Variants in SH3GL1 observed in about 807,000 individuals in gnomAD.
SH3GL1 encodes the protein SH3 domain containing GRB2 like 1, endophilin A2, also known as endophilin-A2.
In SH3GL1, 21 loss-of-function variants were observed where a neutral mutation model predicts 48.8. That is an observed-to-expected ratio of 0.43 (90% confidence interval 0.30 to 0.62). The LOEUF (loss-of-function observed/expected upper bound fraction) is 0.62, where lower values mean the gene tolerates loss of function less well. Ranked by LOEUF, SH3GL1 falls within the 20% of genes least tolerant of loss-of-function variation. SH3GL1 has a pLI of 0.11. For missense variants in SH3GL1, 454 were observed against 503.0 expected (o/e 0.90, Z 0.93); for synonymous variants, 282 against 217.5 (o/e 1.30, Z -2.61).
chr19:4,380,218 C>G (rs1240527057), intron 1 of SH3GL1: 1 of 152,474 alleles, frequency 6.6e-6, no homozygotes, highest in Non-Finnish European at 1.5e-5. Context: ...GCCCATTCTT[C>G]AAAGCCACGG....
chr19:4,385,158 T>C (rs1340965310), intron 1 of SH3GL1, among the ~76,000 whole-genome samples: 1 of 151,268 alleles, frequency 6.6e-6, no homozygotes, highest in African/African-American at 2.4e-5. Flanking sequence ...CGTGATCCTG[T>C]TGACAGGCAG....
At chr19:4,370,685 C>A (rs1972881321) in intron 1 of SH3GL1, among the ~76,000 whole-genome samples, 1 of 152,246 alleles carries the variant, frequency 6.6e-6, no homozygotes, top group Non-Finnish European at 1.5e-5. Context: ...GGAACAGTCT[C>A]CAAGACTCTG....
At chr19:4,377,050 A>G (rs1358542110) in intron 1 of SH3GL1, among the ~76,000 whole-genome samples, 2 of 152,170 alleles carry the variant, frequency 1.3e-5, no homozygotes, top group African/African-American at 4.8e-5. Flanking sequence ...CTGGGCTGAC[A>G]CTGATGGAGG....
chr19:4,373,129 A>AG (rs10713587), intron 1 of SH3GL1, among the ~76,000 whole-genome samples: 56 of 151,754 alleles, frequency 3.7e-4, no homozygotes, highest in Admixed American at 2.0e-4. Context: ...GAGCAGTGGG[A>AG]GGGGGGGCCA....
In SH3GL1 at chr19:4,367,423, T is replaced by TAA. The variant is rs746066845; in HGVS notation, c.46-431_46-430dup. Among the ~76,000 whole-genome samples the TAA allele has an allele frequency of 1.4e-5, 2 of 147,766 alleles. No homozygotes were observed. The highest frequency in any genetic ancestry group is 2.0e-4 in the East Asian group (1 of 5,096). On this transcript the variant is annotated intron_variant, in intron 1 of 9. Transcript: ENST00000269886. This position sits in a 1 kb window ranked among gnomAD's most constrained non-coding sequence, Gnocchi z 4.2. The stretch of plus-strand genomic sequence containing the variant: ...CATCCTTGAGTATGTGGGGTCTACT[T>TAA]AAAAAAAAAAATCCTGCCAGCTTGG...
Position 4,365,561 on chromosome 19 carries a change from G to A in SH3GL1, c.252C>T (p.Pro84=), listed in dbSNP as rs774913209. The A allele has an allele frequency of 1.3e-5, 21 of 1,613,974 alleles. No individual in the cohort carries two copies. Among genetic ancestry groups the A allele is most frequent in the East Asian group, 6.7e-5 (3 of 44,890 alleles). ...VSKIRGQVKN[P]GYPQSEGLLG... ...GAAGCCCCTCCGACTGCGGGTAGCC[G>A]GGGTTCTTCACCTGGCCCCGGATCT... Residue 84 remains proline, a synonymous_variant, in exon 4 of 10, where the codon CCC becomes CCT. Coordinates refer to ENST00000269886, the MANE Select transcript of SH3GL1 (RefSeq NM_003025.4).
intron 4 of SH3GL1, among the ~76,000 whole-genome samples, chr19:4,365,004 C>T (rs1182269545): frequency 6.6e-6 from 1 of 151,328 alleles, no homozygotes; most frequent in Non-Finnish European, 1.5e-5. Context: ...ATCCACCTGC[C>T]TTGGCCTCCC....
chr19:4,362,874 C>A, intron 7 of SH3GL1, 138 bp from the exon 8 acceptor site: 1 of 1,372,314 alleles, frequency 7.3e-7, no homozygotes, highest in East Asian at 2.4e-5. Context: ...CACATGGACC[C>A]TGGGACACAG....
At chr19:4,379,977 T>C (rs1489938032) in intron 1 of SH3GL1, among the ~76,000 whole-genome samples, 2 of 152,148 alleles carry the variant, frequency 1.3e-5, no homozygotes, top group Admixed American at 1.3e-4. Flanking sequence ...CATGGTCTGG[T>C]AGCCAGGCTC....
intron 4 of SH3GL1, among the ~76,000 whole-genome samples, chr19:4,364,884 G>A (rs140639485): frequency 8.0e-5 from 7 of 87,212 alleles, no homozygotes; most frequent in African/African-American, 3.2e-4. Context: ...GTGTGTGTGT[G>A]TGTGTGTGTG....
intron 1 of SH3GL1, among the ~76,000 whole-genome samples, chr19:4,368,632 G>A (rs1972832951): frequency 6.6e-6 from 1 of 152,200 alleles, no homozygotes; most frequent in African/African-American, 2.4e-5. Context: ...CACGCATCGG[G>A]ACCCTTTCTG....
intron 1 of SH3GL1, among the ~76,000 whole-genome samples, chr19:4,372,249 C>T (rs912377576): frequency 6.6e-6 from 1 of 152,224 alleles, no homozygotes; most frequent in African/African-American, 2.4e-5. Flanking sequence ...GAACAAGGGC[C>T]ACTATTCACA....
At chr19:4,394,784 G>T (rs1973396542) in intron 1 of SH3GL1, among the ~76,000 whole-genome samples, 1 of 152,236 alleles carries the variant, frequency 6.6e-6, no homozygotes. Flanking sequence ...CTAGAGCCTG[G>T]TTTAAAGCAG....
At chr19:4,398,992 T>C (rs1034572806) in intron 1 of SH3GL1, among the ~76,000 whole-genome samples, 1 of 152,156 alleles carries the variant, frequency 6.6e-6, no homozygotes, top group Admixed American at 6.5e-5. Context: ...AATTATGGTA[T>C]ATGTCATGGA....
chr19:4,364,245 C>T, intron 4 of SH3GL1, 24 bp from the exon 5 acceptor site: 1 of 1,613,666 alleles, frequency 6.2e-7, no homozygotes, highest in Non-Finnish European at 8.5e-7. Flanking sequence ...GTGGGGGAAG[C>T]CATCATACCG....
At chr19:4,371,243 A>G (rs566158724) in intron 1 of SH3GL1, among the ~76,000 whole-genome samples, 18 of 152,374 alleles carry the variant, frequency 1.2e-4, no homozygotes, top group African/African-American at 4.3e-4. Context: ...AAAAATACAG[A>G]AATGAACTGT....
At chr19:4,364,444 CTTCT>C (rs1474028284) in intron 4 of SH3GL1, 3 of 570,112 alleles carry the variant, frequency 5.3e-6, no homozygotes, top group East Asian at 6.0e-5. Context: ...TCCTTTCCAA[CTTCT>C]TTGAGATGAA....
At position 4,367,105 on chromosome 19, in the gene SH3GL1, G is replaced by A; in HGVS notation, c.46-111C>T. On this transcript the variant is annotated intron_variant, in intron 1 of 9. Transcript: ENST00000269886. The surrounding 1 kb of genome is among the most constrained non-coding windows in gnomAD (Gnocchi z 4.2). ...ATCGCATCCACAGCTGGAGGCAGGAGGCCAAGTGATCAGGACACACACCTC... is the reference window on the plus strand; with the variant it reads ...ATCGCATCCACAGCTGGAGGCAGGAAGCCAAGTGATCAGGACACACACCTC... 1.0e-6 allele frequency: 1 copy of A among 977,068 alleles called. No individual in the cohort carries two copies. Among genetic ancestry groups the A allele is most frequent in the Non-Finnish European group, 1.7e-6 (1 of 604,976 alleles). The allele number at this position is 977,068 out of a possible 1,614,324, so 60.5% of individuals were successfully genotyped here.
At chr19:4,399,484 G>A (rs1568424529) in intron 1 of SH3GL1, among the ~76,000 whole-genome samples, 1 of 151,942 alleles carries the variant, frequency 6.6e-6, no homozygotes, top group Non-Finnish European at 1.5e-5. Flanking sequence ...AGGAACGAAG[G>A]GAGGGAAGGA....
Sources: allele counts gnomAD v4.1 joint callset (sites outside exome capture counted in the v4.1 genomes callset), GRCh38; gene constraint gnomAD v4.1.1; non-coding constraint Gnocchi (gnomAD v3.1); transcripts MANE v1.5; gene names NCBI Gene and HGNC (gene_info 2026-07-23, HGNC 2026-07-21).